Variants in DLG2 observed in about 807,000 individuals in gnomAD.
The protein encoded by DLG2 is discs large MAGUK scaffold protein 2.
DLG2 carries 45 observed loss-of-function variants against 132.5 expected under a neutral mutation model. The ratio of observed to expected loss-of-function variants is 0.34; its 90% CI spans 0.27 to 0.44. The LOEUF (loss-of-function observed/expected upper bound fraction) is 0.44. Ranked by LOEUF, DLG2 falls within the 20% of genes least tolerant of loss-of-function variation. The pLI is 1.00. For synonymous variants in DLG2, 424 were observed against 419.6 expected, an observed-to-expected ratio of 1.01 and a Z score of -0.13; for missense variants, 1,045 against 1,196.9, an observed-to-expected ratio of 0.87 and a Z score of 1.87.
chr11:85,554,450 G>A (rs1341955010), intron 3 of DLG2, among the ~76,000 whole-genome samples: 4 of 151,860 alleles, frequency 2.6e-5, no homozygotes, highest in Admixed American at 2.0e-4. Context: ...GATTATGACA[G>A]TGAAAGAAGT....
At chr11:85,603,942 C>T (rs2080344104) in intron 2 of DLG2, among the ~76,000 whole-genome samples, 1 of 152,114 alleles carries the variant, frequency 6.6e-6, no homozygotes, top group Admixed American at 6.6e-5. Flanking sequence ...AATACCCTGT[C>T]TCTAAGTAAA....
In DLG2 at chr11:84,827,676, C is replaced by CAAAAAAAAAAAAAAAA. The variant is rs398016953; in HGVS notation, c.357+283969_357+283984dup. Among the ~76,000 whole-genome samples the CAAAAAAAAAAAAAAAA allele has an allele frequency of 2.3e-4, 8 of 35,098 alleles. 1 individual carries two copies. The highest frequency in any genetic ancestry group is 5.5e-4 in the African/African-American group (4 of 7,208). 23.0% of individuals were successfully genotyped at this position (35,098 alleles called of 152,430 possible). A position where few individuals can be genotyped will look rare whatever the true frequency, so the allele number is the denominator to read the frequency against. On this transcript the variant is annotated intron_variant, in intron 6 of 27. Coordinates refer to ENST00000376104, the MANE Select transcript of DLG2 (RefSeq NM_001142699.3). Reference sequence around the variant, plus strand: ...AAGGCTGGAACTGAGTACATACAGTCAAAAAAAAAAAAAAAAAAAAAAGCC... The same window carrying CAAAAAAAAAAAAAAAA: ...AAGGCTGGAACTGAGTACATACAGTCAAAAAAAAAAAAAAAAAAAAAAAAAAAAAAAAAAAAAAGCC...
chr11:85,062,713 C>T (rs1346096343), intron 6 of DLG2, among the ~76,000 whole-genome samples: 1 of 151,558 alleles, frequency 6.6e-6, no homozygotes, highest in East Asian at 1.9e-4. Flanking sequence ...TTATATGTCA[C>T]TAAACTTCAG....
At chr11:83,697,610 C>G (rs1307889749) in intron 18 of DLG2, among the ~76,000 whole-genome samples, 1 of 152,098 alleles carries the variant, frequency 6.6e-6, no homozygotes, top group Non-Finnish European at 1.5e-5. Context: ...AACATGTAAG[C>G]TAGAAAGACC....
intron 16 of DLG2, among the ~76,000 whole-genome samples, chr11:83,870,591 C>T (rs1361851016): frequency 6.6e-6 from 1 of 152,158 alleles, no homozygotes; most frequent in Admixed American, 6.5e-5. Context: ...GTGCCCCAAA[C>T]TAGCACACTG....
chr11:85,429,113 C>T (rs1431921883), intron 3 of DLG2, among the ~76,000 whole-genome samples: 1 of 152,106 alleles, frequency 6.6e-6, no homozygotes, highest in Non-Finnish European at 1.5e-5. Context: ...CAATAACAGG[C>T]TCTGAAATTG....
At chr11:84,979,417 T>G (rs920535963) in intron 6 of DLG2, among the ~76,000 whole-genome samples, 3 of 152,122 alleles carry the variant, frequency 2.0e-5, no homozygotes, top group Non-Finnish European at 2.9e-5. Flanking sequence ...CAAATGTCCA[T>G]CAATGATAGA....
chr11:85,067,719 T>C (rs557350065), intron 6 of DLG2, among the ~76,000 whole-genome samples: 2 of 151,900 alleles, frequency 1.3e-5, no homozygotes, highest in Non-Finnish European at 2.9e-5. Flanking sequence ...AAGGAGGAGC[T>C]GGTACAAGGA....
intron 12 of DLG2, among the ~76,000 whole-genome samples, chr11:83,966,379 G>A (rs1017461273): frequency 6.6e-6 from 1 of 151,796 alleles, no homozygotes; most frequent in African/African-American, 2.4e-5. Context: ...CAAGTTCAAG[G>A]GTACCCTATT....
chr11:84,563,360 T>C (rs1475321132), intron 6 of DLG2, among the ~76,000 whole-genome samples: 1 of 152,228 alleles, frequency 6.6e-6, no homozygotes, highest in Non-Finnish European at 1.5e-5. Context: ...TTACCATAAA[T>C]GTTGATATTT....
intron 16 of DLG2, among the ~76,000 whole-genome samples, chr11:83,860,676 A>T (rs971747035): frequency 6.6e-6 from 1 of 151,936 alleles, no homozygotes. Flanking sequence ...ACTTTGGGGG[A>T]CTGTTGGGAG....
chr11:85,515,386 T>TCCAAGTCAG (rs1565619026), intron 3 of DLG2, among the ~76,000 whole-genome samples: 1 of 151,966 alleles, frequency 6.6e-6, no homozygotes, highest in Admixed American at 6.6e-5. Context: ...TGGACTTTTG[T>TCCAAGTCAG]GTCAAGCAGA....
intron 18 of DLG2, among the ~76,000 whole-genome samples, chr11:83,752,797 G>A (rs979691216): frequency 6.6e-6 from 1 of 152,236 alleles, no homozygotes; most frequent in Non-Finnish European, 1.5e-5. Context: ...CCTGGAATAT[G>A]AGAACGAAGA....
chr11:84,857,870 C>G (rs559593974), intron 6 of DLG2, among the ~76,000 whole-genome samples: 2 of 152,026 alleles, frequency 1.3e-5, no homozygotes, highest in East Asian at 3.9e-4. Context: ...CTGTTATTCA[C>G]CCAATATTTG....
intron 3 of DLG2, among the ~76,000 whole-genome samples, chr11:85,498,311 CA>C (rs1182154687): frequency 1.3e-5 from 2 of 151,990 alleles, no homozygotes; most frequent in Non-Finnish European, 2.9e-5. Flanking sequence ...TTTAAACGAA[CA>C]AAGATCAAAA....
intron 6 of DLG2, among the ~76,000 whole-genome samples, chr11:84,587,718 C>G (rs1290048529): frequency 6.6e-6 from 1 of 152,066 alleles, no homozygotes; most frequent in East Asian, 1.9e-4. Context: ...CAGTGATCGG[C>G]AAAATACTCC....
At chr11:85,517,250 C>T (rs546289460) in intron 3 of DLG2, among the ~76,000 whole-genome samples, 1 of 151,320 alleles carries the variant, frequency 6.6e-6, no homozygotes, top group South Asian at 2.1e-4. Context: ...AAAAAAAAAC[C>T]CTCCCCAAGA....
chr11:84,098,386 G>A (rs559518804), intron 10 of DLG2, among the ~76,000 whole-genome samples: 5 of 152,074 alleles, frequency 3.3e-5, no homozygotes, highest in African/African-American at 9.6e-5. Context: ...TTTTTTCTGA[G>A]GGACAACTTG....
chr11:85,578,888 C>A (rs1476505563), intron 3 of DLG2, among the ~76,000 whole-genome samples: 8 of 152,036 alleles, frequency 5.3e-5, no homozygotes, highest in African/African-American at 1.7e-4. Flanking sequence ...TGGGTATATA[C>A]CCAAAAGAAT....
Sources: gnomAD v4.1 joint callset for allele counts (sites outside exome capture counted in the v4.1 genomes callset) on GRCh38, gnomAD v4.1.1 for gene constraint, MANE v1.5 for transcripts, NCBI Gene and HGNC (gene_info 2026-07-23, HGNC 2026-07-21) for gene names.